Variants in ALPK2 observed in about 807,000 individuals in gnomAD.
ALPK2 encodes alpha-protein kinase 2.
A neutral mutation model predicts 163.1 loss-of-function variants in ALPK2; 127 were observed. That is an observed-to-expected ratio of 0.78 (90% CI 0.67 to 0.90). The LOEUF (loss-of-function observed/expected upper bound fraction) is 0.90. Ranked by LOEUF, ALPK2 falls within the 40% of genes least tolerant of loss-of-function variation. The pLI, the probability that ALPK2 is intolerant of heterozygous loss-of-function variation, is 0.00. For missense variants in ALPK2, 2,360 were observed against 2,589.6 expected (o/e 0.91, Z 1.92); for synonymous variants, 953 against 959.1 (o/e 0.99, Z 0.12).
chr18:58,562,110 C>T (rs958373933), intron 4 of ALPK2, among the ~76,000 whole-genome samples: 3 of 152,164 alleles, frequency 2.0e-5, no homozygotes, highest in Admixed American at 6.5e-5. Flanking sequence ...TAGAGGTGCC[C>T]TGGGCATGTT....
At chr18:58,620,191 C>T (rs2052191039) in intron 1 of ALPK2, among the ~76,000 whole-genome samples, 1 of 151,936 alleles carries the variant, frequency 6.6e-6, no homozygotes, top group Non-Finnish European at 1.5e-5. Flanking sequence ...CTTGGGAGGC[C>T]GAGGTAAGAT....
intron 10 of ALPK2, among the ~76,000 whole-genome samples, chr18:58,505,327 C>G (rs1034450192): frequency 3.3e-5 from 5 of 152,206 alleles, no homozygotes; most frequent in South Asian, 2.1e-4. Context: ...ACCTCCTCCC[C>G]CAACCGCACC....
At chr18:58,582,859 G>A (rs1476324713) in intron 3 of ALPK2, among the ~76,000 whole-genome samples, 1 of 152,186 alleles carries the variant, frequency 6.6e-6, no homozygotes, top group Admixed American at 6.5e-5. Context: ...TAATTGGTCA[G>A]AAGAGTTAAG....
chr18:58,557,692 A>G (rs1419422937), intron 4 of ALPK2, among the ~76,000 whole-genome samples: 3 of 105,762 alleles, frequency 2.8e-5, no homozygotes, highest in Non-Finnish European at 5.7e-5. Context: ...GTGTGTGTAT[A>G]TATATATATT....
chr18:58,603,953 C>T (rs376919628), intron 3 of ALPK2, among the ~76,000 whole-genome samples: 3 of 152,288 alleles, frequency 2.0e-5, no homozygotes, highest in African/African-American at 7.2e-5. Context: ...AAGGTTACAA[C>T]AGCAATGATA....
chr18:58,503,825 G>T, intron 11 of ALPK2, 106 bp downstream of exon 11: 1 of 1,010,822 alleles, frequency 9.9e-7, no homozygotes, highest in Non-Finnish European at 1.5e-6. Context: ...GGTGTTTCAA[G>T]GTACCCAGCA....
At position 58,597,969 on chromosome 18, in the gene ALPK2, C is replaced by A. The variant is rs527996147; in HGVS notation, c.227+9353G>T. Reference sequence around the variant, plus strand: ...GCTTCTGCAAACCAGGAAGAGGGCCCTTACCAGAACCTAACCATGCTGGCA... The same window carrying A: ...GCTTCTGCAAACCAGGAAGAGGGCCATTACCAGAACCTAACCATGCTGGCA... On this transcript the variant is annotated intron_variant, in intron 3 of 12. Transcript: ENST00000361673. 2.0e-4 allele frequency among the ~76,000 whole-genome samples: 30 copies of A among 152,368 alleles called. No individual in the cohort carries two copies. In the South Asian group the frequency reaches 4.1e-3, roughly 21 times the overall value.
At chr18:58,548,573 G>A (rs1568082071) in intron 4 of ALPK2, among the ~76,000 whole-genome samples, 1 of 151,974 alleles carries the variant, frequency 6.6e-6, no homozygotes, top group Admixed American at 6.6e-5. Flanking sequence ...CACCCACCTC[G>A]GCCTCCCAAA....
chr18:58,534,751 A>G, intron 5 of ALPK2, 83 bp downstream of exon 5: 1 of 1,501,898 alleles, frequency 6.7e-7, no homozygotes, highest in Non-Finnish European at 8.9e-7. Flanking sequence ...CCTTAATTGC[A>G]AAGGACCCTC....
intron 4 of ALPK2, 29 bp from the exon 5 acceptor site, chr18:58,538,253 A>C: frequency 1.3e-6 from 2 of 1,582,988 alleles, no homozygotes; most frequent in Non-Finnish European, 1.7e-6. Context: ...ATATTAGTAG[A>C]ATTGTTCATG....
intron 1 of ALPK2, among the ~76,000 whole-genome samples, chr18:58,620,116 C>G (rs576974729): frequency 6.6e-6 from 1 of 152,142 alleles, no homozygotes; most frequent in East Asian, 1.9e-4. Flanking sequence ...CATGGTGAAA[C>G]CTGTCTCTAC....
In ALPK2 at chr18:58,579,760, T is replaced by C. The variant is rs1166480673; in HGVS notation, c.1016A>G (p.Tyr339Cys). ...GTTCCTTTGCCAAACTGCATTAGAG[T>C]AATCCGTCATAACATCAGAACATTC... The part of the protein sequence containing the change: ...YLECSDVMTD[Y>C]SNAVWQRNLL... Residue 339 changes from tyrosine (Y) to cysteine (C), a missense_variant, in exon 4 of 13, where the codon TAC (tyrosine) becomes TGC (cysteine). By Grantham distance (194) the Tyr-to-Cys change is radical. Coordinates refer to ENST00000361673, the MANE Select transcript of ALPK2 (RefSeq NM_052947.4). 2 of 1,614,116 alleles carry C rather than the reference T, an allele frequency of 1.2e-6. No homozygotes were observed. The highest frequency in any genetic ancestry group is 1.7e-6 in the Non-Finnish European group (2 of 1,180,014).
intron 4 of ALPK2, among the ~76,000 whole-genome samples, chr18:58,557,389 C>T (rs900554877): frequency 4.6e-5 from 7 of 152,264 alleles, no homozygotes; most frequent in South Asian, 2.1e-4. Flanking sequence ...TGGGCACCAC[C>T]GAGAGGGAAC....
chr18:58,602,189 A>G (rs529991364), intron 3 of ALPK2, among the ~76,000 whole-genome samples: 16 of 152,176 alleles, frequency 1.1e-4, no homozygotes, highest in Non-Finnish European at 2.2e-4. Flanking sequence ...GGTAGTCTGG[A>G]TGAACTCAGC....
intron 6 of ALPK2, among the ~76,000 whole-genome samples, chr18:58,527,748 A>C (rs1259974463): frequency 1.3e-5 from 2 of 152,234 alleles, no homozygotes; most frequent in Admixed American, 6.5e-5. Context: ...TTCTTAAGCC[A>C]TACCTAAGAC....
At chr18:58,506,466 C>G (rs2051462553) in intron 10 of ALPK2, among the ~76,000 whole-genome samples, 2 of 152,086 alleles carry the variant, frequency 1.3e-5, no homozygotes, top group South Asian at 2.1e-4. Context: ...CTCATTTGCC[C>G]CCACCCCCCA....
At chr18:58,508,790 G>C (rs1326720017) in intron 10 of ALPK2, among the ~76,000 whole-genome samples, 1 of 152,016 alleles carries the variant, frequency 6.6e-6, no homozygotes, top group Non-Finnish European at 1.5e-5. Flanking sequence ...CTATGGACTT[G>C]CCCTGTATTA....
chr18:58,504,216 T>C, intron 10 of ALPK2, 68 bp from the exon 11 acceptor site: 2 of 1,333,468 alleles, frequency 1.5e-6, no homozygotes, highest in Non-Finnish European at 2.1e-6. Flanking sequence ...TGCGGCATTC[T>C]ACTCTCTCCT....
intron 3 of ALPK2, among the ~76,000 whole-genome samples, chr18:58,587,447 A>G (rs1602230293): frequency 1.3e-5 from 2 of 152,376 alleles, no homozygotes; most frequent in Middle Eastern, 3.4e-3. Flanking sequence ...CTTGCTAAAC[A>G]CAAACTTTAT....
Sources: allele counts gnomAD v4.1 joint callset (sites outside exome capture counted in the v4.1 genomes callset), GRCh38; gene constraint gnomAD v4.1.1; transcripts MANE v1.5; gene names NCBI Gene and HGNC (gene_info 2026-07-23, HGNC 2026-07-21).